Variants in NCOA1 observed in about 807,000 individuals in gnomAD.
NCOA1 encodes the protein Hin-2 protein.
Under a neutral mutation model 150.9 loss-of-function variants are expected in NCOA1, and 35 were observed. The ratio of observed to expected loss-of-function variants is 0.23; its 90% CI spans 0.18 to 0.31. The LOEUF (loss-of-function observed/expected upper bound fraction) is 0.31, where lower values mean the gene tolerates loss of function less well. Ranked by LOEUF, NCOA1 falls within the 10% of genes least tolerant of loss-of-function variation. NCOA1 has a pLI of 1.00. For synonymous variants in NCOA1, 590 were observed against 630.0 expected, an observed-to-expected ratio of 0.94 and a Z score of 0.95; for missense variants, 1,491 against 1,749.3, an observed-to-expected ratio of 0.85 and a Z score of 2.63.
intron 3 of NCOA1, among the ~76,000 whole-genome samples, chr2:24,625,364 CAA>C (rs35143423): frequency 1.6e-3 from 131 of 82,120 alleles, no homozygotes; most frequent in South Asian, 5.7e-3. Flanking sequence ...GACTCTGCCT[CAA>C]AAAAAAAAAA....
intron 2 of NCOA1, among the ~76,000 whole-genome samples, chr2:24,583,203 C>A (rs1179377769): frequency 6.6e-6 from 1 of 151,956 alleles, no homozygotes; most frequent in African/African-American, 2.4e-5. Flanking sequence ...GTAAGAAACT[C>A]AACAGCAAAA....
At chr2:24,752,993 C>G (rs1027302627) in intron 20 of NCOA1, among the ~76,000 whole-genome samples, 11 of 151,764 alleles carry the variant, frequency 7.2e-5, no homozygotes, top group Admixed American at 5.9e-4. Flanking sequence ...GCTGTCTGAT[C>G]TGACAACATA....
chr2:24,511,848 A>G (rs1354096422), intron 1 of NCOA1, among the ~76,000 whole-genome samples: 1 of 151,988 alleles, frequency 6.6e-6, no homozygotes, highest in Non-Finnish European at 1.5e-5. Context: ...TAGTGCTTAC[A>G]TTTAGGTCTG....
At chr2:24,660,174 A>G (rs1671117712) in intron 5 of NCOA1, among the ~76,000 whole-genome samples, 1 of 152,220 alleles carries the variant, frequency 6.6e-6, no homozygotes. Context: ...AAGTGTGTCA[A>G]AAATTAATGC....
intron 19 of NCOA1, among the ~76,000 whole-genome samples, chr2:24,745,305 G>A (rs578179850): frequency 2.0e-5 from 3 of 151,928 alleles, no homozygotes; most frequent in East Asian, 3.9e-4. Flanking sequence ...GGGACTACAG[G>A]CGCCCACTAC....
intron 12 of NCOA1, among the ~76,000 whole-genome samples, chr2:24,706,118 A>G (rs1673412808): frequency 6.6e-6 from 1 of 152,168 alleles, no homozygotes. Context: ...TGGAGTTGAA[A>G]TACTTAAAAG....
chr2:24,576,160 TTTGTTTTTTG>T (rs1666960539), intron 2 of NCOA1, among the ~76,000 whole-genome samples: 51 of 93,102 alleles, frequency 5.5e-4, no homozygotes, highest in African/African-American at 8.0e-4. Context: ...TTTTTTTTTT[TTTGTTTTTTG>T]TTTTTTTTTT....
chr2:24,552,356 T>TATATATATACA (rs1665889095), intron 1 of NCOA1, among the ~76,000 whole-genome samples: 1 of 34,408 alleles, frequency 2.9e-5, no homozygotes, highest in African/African-American at 1.3e-4. Context: ...TATATATATT[T>TATATATATACA]TTTTTTTTTT....
At chr2:24,601,927 C>T (rs1335802763) in intron 3 of NCOA1, among the ~76,000 whole-genome samples, 3 of 152,162 alleles carry the variant, frequency 2.0e-5, no homozygotes, top group Admixed American at 6.5e-5. Flanking sequence ...TGAACCACTG[C>T]GCCCAGCCAC....
intron 14 of NCOA1, among the ~76,000 whole-genome samples, chr2:24,722,834 A>G (rs974866710): frequency 5.3e-5 from 8 of 152,198 alleles, no homozygotes; most frequent in African/African-American, 1.9e-4. Flanking sequence ...GGCAAAAAAT[A>G]CAAAAATTAG....
Position 24,693,305 on chromosome 2 carries a change from A to C in NCOA1, c.766A>C (p.Ile256Leu). ...IARRLPRPPA[I>L]TGVESFMTKQ... ...ACGGCGATTACCTCGGCCTCCAGCT[A>C]TTACGGGTGTAGAATCCTTTATGAC... The change falls in exon 10 of 23, where the codon ATT becomes CTT. Residue 256 changes from isoleucine (I) to leucine (L), a missense_variant. This residue lies in a region of NCOA1 where 99 missense variants were observed against 122.8 expected (regional missense o/e 0.81). Coordinates refer to ENST00000348332, the MANE Select transcript of NCOA1 (RefSeq NM_003743.5). 2 of 1,614,212 alleles carry C rather than the reference A, an allele frequency of 1.2e-6. No individual in the cohort carries two copies. Among genetic ancestry groups the C allele is most frequent in the South Asian group, 1.1e-5 (1 of 91,092 alleles).
Position 24,706,840 on chromosome 2 carries a change from A to G in NCOA1, c.1370A>G (p.Gln457Arg). ...SQIVANVALN[Q>R]GQASSQSSNP... ...ATTGTAGCCAATGTTGCCTTAAACC[A>G]AGGACAGGCCAGTTCACAGAGCAGT... The change falls in exon 13 of 23, where the codon CAA becomes CGA. Residue 457 changes from glutamine to arginine, a missense_variant. Physicochemically the swap from Gln to Arg is conservative, Grantham distance 43 (BLOSUM62 1). Transcript: ENST00000348332. 6.2e-7 allele frequency: 1 copy of G among 1,614,162 alleles called. No individual in the cohort carries two copies. The highest frequency in any genetic ancestry group is 8.5e-7 in the Non-Finnish European group (1 of 1,180,022).
At chr2:24,757,607 A>ATG (rs944232472) in intron 20 of NCOA1, among the ~76,000 whole-genome samples, 5 of 152,074 alleles carry the variant, frequency 3.3e-5, no homozygotes, top group Non-Finnish European at 5.9e-5. Flanking sequence ...ATATATATAT[A>ATG]TGTATATATA....
chr2:24,706,660 C>T lies in NCOA1; in HGVS notation c.1190C>T (p.Ala397Val). The T allele has an allele frequency of 4.3e-6, 7 of 1,614,238 alleles. No homozygotes were observed. The South Asian group carries it at 5.5e-5, about 13-fold the overall frequency. ...NPSVNPSISP[A>V]HGVARSSTLP... ...TCGGTCAATCCTAGTATCTCTCCAG[C>T]TCATGGTGTGGCTCGTTCATCCACA... The change falls in exon 13 of 23, where the codon GCT becomes GTT. Residue 397 changes from alanine (A) to valine (V), a missense_variant. This residue lies in a region of NCOA1 where 703 missense variants were observed against 717.7 expected (regional missense o/e 0.98). Coordinates refer to ENST00000348332, the MANE Select transcript of NCOA1 (RefSeq NM_003743.5).
intron 6 of NCOA1, among the ~76,000 whole-genome samples, chr2:24,666,223 C>T (rs1368363097): frequency 6.6e-6 from 1 of 151,862 alleles, no homozygotes; most frequent in South Asian, 2.1e-4. Flanking sequence ...ACCATGTTAG[C>T]CAGGATGGTC....
At chr2:24,687,057 C>T (rs1455323348) in intron 8 of NCOA1, among the ~76,000 whole-genome samples, 1 of 152,032 alleles carries the variant, frequency 6.6e-6, no homozygotes, top group Non-Finnish European at 1.5e-5. Context: ...GTATGCTCTT[C>T]TCTTGGCTCC....
rs75159069 is a variant in NCOA1 at position 24,504,865 on chromosome 2, T to C, written c.-396+13263T>C. 4.9e-3 allele frequency among the ~76,000 whole-genome samples: 754 copies of C among 152,324 alleles called. 3 individuals carry two copies. Among genetic ancestry groups the C allele is most frequent in the Non-Finnish European group, 4.7e-3 (319 of 68,030 alleles). ...AGGGCTTAGATACTTTTGGAGACTT[T>C]TGCTGTCTGAGAAGTTCACAAAATT... is the stretch of plus-strand genomic sequence containing the variant. On this transcript the variant is annotated intron_variant, in intron 1 of 22. Coordinates refer to ENST00000348332, the MANE Select transcript of NCOA1 (RefSeq NM_003743.5).
At chr2:24,630,280 A>G (rs967105732) in intron 3 of NCOA1, among the ~76,000 whole-genome samples, 2 of 152,226 alleles carry the variant, frequency 1.3e-5, no homozygotes, top group African/African-American at 4.8e-5. Flanking sequence ...TCCAGAATCT[A>G]TACTTTTAAT....
intron 3 of NCOA1, among the ~76,000 whole-genome samples, chr2:24,622,458 A>C (rs904415039): frequency 2.6e-5 from 4 of 152,222 alleles, no homozygotes; most frequent in Non-Finnish European, 4.4e-5. Context: ...GTTAATAACT[A>C]CTGCCCTATA....
Sources: gnomAD v4.1 joint callset for allele counts (sites outside exome capture counted in the v4.1 genomes callset) on GRCh38, gnomAD v4.1.1 for gene constraint, gnomAD v4.1.1 regional missense constraint, MANE v1.5 for transcripts, NCBI Gene and HGNC (gene_info 2026-07-23, HGNC 2026-07-21) for gene names.